The following HCN2 variants were observed in gnomAD, a reference collection of about 807,000 sequenced individuals.
HCN2 encodes the protein hyperpolarization activated cyclic nucleotide gated potassium and sodium channel 2, also known as potassium/sodium hyperpolarization-activated cyclic nucleotide-gated channel 2.
Under a neutral mutation model 52.3 loss-of-function variants are expected in HCN2, and 20 were observed. That is an observed-to-expected ratio of 0.38 (90% CI 0.27 to 0.56). HCN2 has a LOEUF of 0.56. Ranked by LOEUF, HCN2 falls within the 20% of genes least tolerant of loss-of-function variation. The pLI, the probability that HCN2 is intolerant of heterozygous loss-of-function variation, is 0.71. For missense variants in HCN2, 981 were observed against 1,207.7 expected, an observed-to-expected ratio of 0.81 and a Z score of 2.78; for synonymous variants, 694 against 537.0, an observed-to-expected ratio of 1.29 and a Z score of -4.04.
At chr19:596,007 G>C (rs372281117) in intron 1 of HCN2, among the ~76,000 whole-genome samples, 1 of 152,186 alleles carries the variant, frequency 6.6e-6, no homozygotes, top group Non-Finnish European at 1.5e-5. Flanking sequence ...AGACCCCCTG[G>C]GCAGGCCCTC....
At position 609,378 on chromosome 19, in the gene HCN2, C is replaced by T. The variant is rs374235292; in HGVS notation, c.1438-881C>T. ...ATCATCAGGGAAGGGCCAGAGCCCCCGGGAAGGGGGTCCTGTGTGTCAGGG... is the reference window on the plus strand; with the variant it reads ...ATCATCAGGGAAGGGCCAGAGCCCCTGGGAAGGGGGTCCTGTGTGTCAGGG... On this transcript the variant is annotated intron_variant, in intron 4 of 7. Coordinates refer to ENST00000251287, the MANE Select transcript of HCN2 (RefSeq NM_001194.4). 2.6e-3 allele frequency among the ~76,000 whole-genome samples: 391 copies of T among 152,294 alleles called. 1 individual carries two copies. The highest frequency in any genetic ancestry group is 3.8e-3 in the Non-Finnish European group (256 of 68,014).
At chr19:600,925 G>A (rs1160761114) in intron 1 of HCN2, among the ~76,000 whole-genome samples, 5 of 151,968 alleles carry the variant, frequency 3.3e-5, no homozygotes, top group East Asian at 3.9e-4. Context: ...ACCGCACCCC[G>A]CACATGCCAC....
rs1198300072 is a variant in HCN2 at position 616,134 on chromosome 19, C to T, written c.2330C>T (p.Pro777Leu). 2 of 948,978 alleles carry T rather than the reference C, an allele frequency of 2.1e-6. No individual in the cohort carries two copies. Among genetic ancestry groups the T allele is most frequent in the Admixed American group, 6.4e-5 (1 of 15,678 alleles). The allele number at this position is 948,978 out of a possible 1,614,324, so 58.8% of individuals were successfully genotyped here. The change falls in exon 8 of 8, where the codon CCC (proline) becomes CTC (leucine). Residue 777 changes from proline (P) to leucine (L), a missense_variant. Pro to Leu is a moderately conservative substitution (Grantham distance 98). This residue lies in a region of HCN2 where 368 missense variants were observed against 314.8 expected (regional missense o/e 1.17). Coordinates refer to ENST00000251287, the MANE Select transcript of HCN2 (RefSeq NM_001194.4). The part of the protein sequence containing the change: ...PAAASPGPPP[P>L]ASPPGAPASP... ...GCCGCCTCACCCGGGCCCCCGCCCC[C>T]CGCCAGCCCCCCGGGCGCGCCCGCC...
chr19:616,150 C>T lies in HCN2; in HGVS notation c.2346C>T (p.Gly782=), dbSNP rs1175220011. The T allele has an allele frequency of 4.9e-5, 44 of 905,136 alleles. No homozygotes were observed. The highest frequency in any genetic ancestry group is 3.4e-4 in the Admixed American group (5 of 14,828). The allele number at this position is 905,136 out of a possible 1,614,324, so 56.1% of individuals were successfully genotyped here. A position where few individuals can be genotyped will look rare whatever the true frequency, so the allele number is the denominator to read the frequency against. ...PGPPPPASPP[G]APASPRAPRT... ...CCCCGCCCCCCGCCAGCCCCCCGGGCGCGCCCGCCAGCCCCCGGGCACCGC... is the reference window on the plus strand; with the variant it reads ...CCCCGCCCCCCGCCAGCCCCCCGGGTGCGCCCGCCAGCCCCCGGGCACCGC... The change falls in exon 8 of 8, where the codon GGC becomes GGT. Residue 782 remains glycine (G), a synonymous_variant. Transcript: ENST00000251287.
Position 616,369 on chromosome 19 carries a change from G to C in HCN2, c.2565G>C (p.Arg855=), listed in dbSNP as rs942141604. The C allele has an allele frequency of 9.8e-6, 12 of 1,225,768 alleles. No homozygotes were observed. The highest frequency in any genetic ancestry group is 1.6e-5 in the African/African-American group (1 of 61,660). The allele number at this position is 1,225,768 out of a possible 1,614,324, so 75.9% of individuals were successfully genotyped here. A position where few individuals can be genotyped will look rare whatever the true frequency, so the allele number is the denominator to read the frequency against. The change falls in exon 8 of 8, where the codon CGG becomes CGC. Residue 855 remains arginine, a synonymous_variant. Coordinates refer to ENST00000251287, the MANE Select transcript of HCN2 (RefSeq NM_001194.4). ...TPRLGPTPAA[R]AAAPSPDRRD... ...GCTTGGGGCCCACGCCCGCTGCCCGGGCCGCCGCGCCCAGCCCGGACCGCA... is the reference window on the plus strand; with the variant it reads ...GCTTGGGGCCCACGCCCGCTGCCCGCGCCGCCGCGCCCAGCCCGGACCGCA...
At position 613,453 on chromosome 19, in the gene HCN2, A is replaced by C; in HGVS notation, c.1790A>C (p.Lys597Thr). Residue 597 changes from lysine (K) to threonine (T), a missense_variant, in exon 6 of 8, where the codon AAG becomes ACG. Coordinates refer to ENST00000251287, the MANE Select transcript of HCN2 (RefSeq NM_001194.4). Reference protein sequence around the residue: ...GVVSVLTKGNKEMKLSDGSYF... With the variant: ...GVVSVLTKGNTEMKLSDGSYF... ...GTCAGCGTGCTCACTAAGGGCAACA[A>C]GGAGATGAAGCTGTCCGATGGCTCC... 6.4e-7 allele frequency: 1 copy of C among 1,554,436 alleles called. No homozygotes were observed. Among genetic ancestry groups the C allele is most frequent in the Non-Finnish European group, 8.7e-7 (1 of 1,144,376 alleles).
chr19:617,083 GCCCCCACCGTGGC>G lies in HCN2; in HGVS notation c.*617_*629del. The stretch of plus-strand genomic sequence containing the variant: ...TGTACTGACGAGCCGAGGCAGCAGT[GCCCCCACCGTGGC>G]CCCCCACGCCCCATTAACCCCCACA... On this transcript the variant is annotated 3_prime_UTR_variant, in exon 8 of 8. Transcript: ENST00000251287. 1 of 598,982 alleles carries G rather than the reference GCCCCCACCGTGGC, an allele frequency of 1.7e-6. No homozygotes were observed. The highest frequency in any genetic ancestry group is 1.9e-5 in the South Asian group (1 of 52,918). The allele number at this position is 598,982 out of a possible 1,614,324, so 37.1% of individuals were successfully genotyped here. A position where few individuals can be genotyped will look rare whatever the true frequency, so the allele number is the denominator to read the frequency against.
intron 1 of HCN2, among the ~76,000 whole-genome samples, chr19:602,838 C>G (rs560863157): frequency 6.6e-6 from 1 of 151,592 alleles, no homozygotes; most frequent in Non-Finnish European, 1.5e-5. Context: ...AGGAAGGGAC[C>G]TGGGCTAGGG....
chr19:594,130 G>A (rs886600731), intron 1 of HCN2, among the ~76,000 whole-genome samples: 2 of 151,892 alleles, frequency 1.3e-5, no homozygotes, highest in African/African-American at 4.9e-5. Context: ...AGAGGGGCTG[G>A]GGCTGGAGGG....
chr19:599,546 A>G (rs891191573), intron 1 of HCN2, among the ~76,000 whole-genome samples: 7 of 151,932 alleles, frequency 4.6e-5, no homozygotes, highest in Non-Finnish European at 8.8e-5. Context: ...TTAGGAGGCC[A>G]AGGCGGGCGG....
intron 6 of HCN2, 82 bp from the exon 7 acceptor site, chr19:613,770 C>T (rs1983772701): frequency 4.4e-6 from 6 of 1,365,188 alleles, no homozygotes; most frequent in Middle Eastern, 2.9e-4. Context: ...GGCCAAGGTG[C>T]AGAGGCCGGG....
chr19:606,009 G>T (rs1188158181), intron 3 of HCN2, among the ~76,000 whole-genome samples: 2 of 152,210 alleles, frequency 1.3e-5, no homozygotes, highest in African/African-American at 4.8e-5. Context: ...GCTGAGTGTG[G>T]TTATGATGAG....
intron 4 of HCN2, among the ~76,000 whole-genome samples, chr19:608,518 G>A (rs1026001195): frequency 3.8e-4 from 58 of 152,060 alleles, no homozygotes; most frequent in Admixed American, 1.3e-4. Context: ...GAGGAGAAAC[G>A]GCCGGTGGTG....
intron 3 of HCN2, among the ~76,000 whole-genome samples, chr19:605,472 C>T (rs376750484): frequency 0.032 from 1,080 of 33,598 alleles, 60 homozygotes; most frequent in African/African-American, 0.19. Context: ...GGGGAGGACT[C>T]GGGCCCTTAC....
intron 2 of HCN2, 145 bp from the exon 3 acceptor site, chr19:604,916 C>G: frequency 1.3e-6 from 1 of 755,204 alleles, no homozygotes; most frequent in Non-Finnish European, 1.9e-6. Flanking sequence ...GGCAGGGCTG[C>G]AGGGTGGGGC....
Position 615,830 on chromosome 19 carries a change from C to T in HCN2, c.2026C>T (p.His676Tyr). The T allele has an allele frequency of 6.2e-7, 1 of 1,612,612 alleles. No individual in the cohort carries two copies. The highest frequency in any genetic ancestry group is 8.5e-7 in the Non-Finnish European group (1 of 1,179,758). Residue 676 changes from histidine (H) to tyrosine (Y), a missense_variant, in exon 8 of 8, where the codon CAT becomes TAT. His to Tyr is a moderately conservative substitution (Grantham distance 83). Coordinates refer to ENST00000251287, the MANE Select transcript of HCN2 (RefSeq NM_001194.4). ...TTCCATCCTCCTGCACAAGGTGCAG[C>T]ATGACCTCAACTCGGGCGTATTCAA... Reference protein sequence around the residue: ...KNSILLHKVQHDLNSGVFNNQ... With the variant: ...KNSILLHKVQYDLNSGVFNNQ...
chr19:599,316 C>T (rs1026142828), intron 1 of HCN2, among the ~76,000 whole-genome samples: 15 of 152,206 alleles, frequency 9.9e-5, no homozygotes, highest in Admixed American at 4.6e-4. Context: ...AGCCGACTTT[C>T]GGCGGCTCCT....
chr19:593,904 C>T (rs544337267), intron 1 of HCN2, among the ~76,000 whole-genome samples: 2 of 152,212 alleles, frequency 1.3e-5, no homozygotes, highest in South Asian at 2.1e-4. Flanking sequence ...CCCAGGGCTT[C>T]GGCAGGGTCT....
Position 615,810 on chromosome 19 carries a change from T to C in HCN2, c.2006T>C (p.Ile669Thr), listed in dbSNP as rs745972616. The C allele has an allele frequency of 6.2e-6, 10 of 1,611,674 alleles. No homozygotes were observed. Among genetic ancestry groups the C allele is most frequent in the Non-Finnish European group, 8.5e-6 (10 of 1,179,552 alleles). ...TCTCCCGCAGGCAAGAAGAATTCCA[T>C]CCTCCTGCACAAGGTGCAGCATGAC... ...RLDRIGKKNS[I>T]LLHKVQHDLN... The change falls in exon 8 of 8, where the codon ATC (isoleucine) becomes ACC (threonine). Residue 669 changes from isoleucine to threonine, a missense_variant. Coordinates refer to ENST00000251287, the MANE Select transcript of HCN2 (RefSeq NM_001194.4).
Sources: gnomAD v4.1 joint callset for allele counts (sites outside exome capture counted in the v4.1 genomes callset) on GRCh38, gnomAD v4.1.1 for gene constraint, gnomAD v4.1.1 regional missense constraint, MANE v1.5 for transcripts, NCBI Gene and HGNC (gene_info 2026-07-23, HGNC 2026-07-21) for gene names.